The following TAS1R1 variants were observed in gnomAD, a reference collection of about 807,000 sequenced individuals.
The protein encoded by TAS1R1 is taste 1 receptor member 1.
Under a neutral mutation model 45.8 loss-of-function variants are expected in TAS1R1, and 31 were observed. The ratio of observed to expected loss-of-function variants is 0.68; its 90% CI spans 0.51 to 0.91. The LOEUF is 0.91. Ranked by LOEUF, TAS1R1 falls within the 40% of genes least tolerant of loss-of-function variation. The pLI is 0.00. For missense variants in TAS1R1, 1,051 were observed against 1,063.9 expected (o/e 0.99, Z 0.17); for synonymous variants, 437 against 448.4 (o/e 0.97, Z 0.32).
chr1:6,567,701 G>A (rs1639900602), intron 1 of TAS1R1, among the ~76,000 whole-genome samples: 2 of 152,208 alleles, frequency 1.3e-5, no homozygotes, highest in African/African-American at 4.8e-5. Flanking sequence ...TCAAGGAGCT[G>A]CGGGAGTGTA....
intron 1 of TAS1R1, among the ~76,000 whole-genome samples, chr1:6,559,016 G>A (rs1397863845): frequency 6.6e-6 from 1 of 151,596 alleles, no homozygotes; most frequent in Non-Finnish European, 1.5e-5. Flanking sequence ...CTCAGCCTCC[G>A]GAATACCTGG....
chr1:6,579,365 C>G lies in TAS1R1; in HGVS notation c.2307C>G (p.Asn769Lys), dbSNP rs752279711. The stretch of plus-strand genomic sequence containing the variant: ...GTGTCACCTTCAGCCTGCTCTTCAA[C>G]TTCGTGTCCTGGATCGCCTTCTTCA... The part of the protein sequence containing the change: ...AKCVTFSLLF[N>K]FVSWIAFFTT... Residue 769 changes from asparagine (N) to lysine (K), a missense_variant, in exon 6 of 6, where the codon AAC becomes AAG. By Grantham distance (94) the Asn-to-Lys change is moderately conservative. Coordinates refer to ENST00000333172, the MANE Select transcript of TAS1R1 (RefSeq NM_138697.4). 2 of 1,614,004 alleles carry G rather than the reference C, an allele frequency of 1.2e-6. No individual in the cohort carries two copies. Among genetic ancestry groups the G allele is most frequent in the Admixed American group, 3.3e-5 (2 of 60,026 alleles).
intron 1 of TAS1R1, among the ~76,000 whole-genome samples, chr1:6,556,664 A>C (rs1468839675): frequency 6.6e-6 from 1 of 151,870 alleles, no homozygotes; most frequent in East Asian, 2.0e-4. Flanking sequence ...GGCCTCCCAA[A>C]GTGCTAGGAT....
At chr1:6,577,334 G>A (rs1471161060) in intron 5 of TAS1R1, among the ~76,000 whole-genome samples, 3 of 152,066 alleles carry the variant, frequency 2.0e-5, no homozygotes, top group Non-Finnish European at 2.9e-5. Flanking sequence ...GGGAGTTCGA[G>A]ACCAGCCTGG....
At chr1:6,568,258 G>A (rs1437489601) in intron 1 of TAS1R1, among the ~76,000 whole-genome samples, 1 of 151,930 alleles carries the variant, frequency 6.6e-6, no homozygotes, top group African/African-American at 2.4e-5. Context: ...GACCATCCTG[G>A]CTAACATGGT....
intron 1 of TAS1R1, among the ~76,000 whole-genome samples, chr1:6,567,671 G>A (rs894025932): frequency 6.6e-6 from 1 of 152,266 alleles, no homozygotes; most frequent in East Asian, 1.9e-4. Context: ...CCTGGGCCTC[G>A]TTCATCTTCA....
Position 6,575,242 on chromosome 1 carries a change from C to A in TAS1R1, c.1110C>A (p.Phe370Leu). 1 of 1,613,592 alleles carries A rather than the reference C, an allele frequency of 6.2e-7. No individual in the cohort carries two copies. The highest frequency in any genetic ancestry group is 8.5e-7 in the Non-Finnish European group (1 of 1,180,018). ...SNQLCRECQA[F>L]MAHTMPKLKA... ...AGCTCTGCAGAGAATGCCAAGCTTT[C>A]ATGGCACACACGATGCCCAAGCTCA... Residue 370 changes from phenylalanine (F) to leucine (L), a missense_variant, in exon 3 of 6, where the codon TTC becomes TTA. Phe to Leu is a conservative substitution (Grantham distance 22, BLOSUM62 0). Coordinates refer to ENST00000333172, the MANE Select transcript of TAS1R1 (RefSeq NM_138697.4).
intron 1 of TAS1R1, among the ~76,000 whole-genome samples, chr1:6,569,165 G>A (rs562936033): frequency 6.6e-6 from 1 of 151,592 alleles, no homozygotes; most frequent in South Asian, 2.1e-4. Flanking sequence ...GGGGATTGGG[G>A]TGGTTTAATG....
At chr1:6,576,900 G>GCTGTCCTTTGACTTGGGC in intron 4 of TAS1R1, 50 bp from the exon 5 acceptor site, 1 of 1,613,524 alleles carries the variant, frequency 6.2e-7, no homozygotes, top group Non-Finnish European at 8.5e-7. Context: ...CCACATGTGA[G>GCTGTCCTTTGACTTGGGC]CTGTCCTTTG....
intron 1 of TAS1R1, among the ~76,000 whole-genome samples, chr1:6,564,211 T>G (rs1358342172): frequency 2.6e-5 from 4 of 152,090 alleles, no homozygotes; most frequent in African/African-American, 9.7e-5. Context: ...GAGGATGACT[T>G]GGAAAGGGCC....
chr1:6,576,030 A>C (rs189759092), intron 3 of TAS1R1, among the ~76,000 whole-genome samples: 35 of 151,914 alleles, frequency 2.3e-4, no homozygotes, highest in Non-Finnish European at 3.4e-4. Context: ...GGGTTTCACC[A>C]TGTTGGCCAG....
intron 2 of TAS1R1, among the ~76,000 whole-genome samples, chr1:6,573,652 A>T (rs922319224): frequency 2.0e-5 from 3 of 151,628 alleles, no homozygotes; most frequent in African/African-American, 2.4e-5. Flanking sequence ...TTATTTATTT[A>T]TTTATTTTTA....
chr1:6,565,479 AAAG>A (rs1369124991), intron 1 of TAS1R1, among the ~76,000 whole-genome samples: 1 of 152,116 alleles, frequency 6.6e-6, no homozygotes, highest in Non-Finnish European at 1.5e-5. Flanking sequence ...TACAGGAGCA[AAAG>A]AAGGAGGGCT....
intron 1 of TAS1R1, among the ~76,000 whole-genome samples, chr1:6,564,479 G>T (rs568168211): frequency 7.9e-5 from 12 of 152,276 alleles, no homozygotes; most frequent in African/African-American, 2.9e-4. Context: ...CTTTTGGGCT[G>T]GCTCTGGTGC....
In TAS1R1 at chr1:6,571,037, C is replaced by T; in HGVS notation, c.320C>T (p.Ser107Phe). 8 of 1,614,180 alleles carry T rather than the reference C, an allele frequency of 5.0e-6. No homozygotes were observed. Among genetic ancestry groups the T allele is most frequent in the Non-Finnish European group, 6.8e-6 (8 of 1,180,032 alleles). Reference protein sequence around the residue: ...TLGYQLYDVCSDSANVYATLR... With the variant: ...TLGYQLYDVCFDSANVYATLR... ...GGGTACCAGCTGTATGATGTGTGTT[C>T]TGACTCTGCCAATGTGTATGCCACG... Residue 107 changes from serine (S) to phenylalanine (F), a missense_variant, in exon 2 of 6, where the codon TCT (serine) becomes TTT (phenylalanine). By Grantham distance (155) the Ser-to-Phe change is radical (BLOSUM62 -2). Transcript: ENST00000333172.
chr1:6,573,673 TA>T lies in TAS1R1; in HGVS notation c.499-957del, dbSNP rs375396397. 7.4e-3 allele frequency among the ~76,000 whole-genome samples: 1,121 copies of T among 152,006 alleles called. 16 individuals are homozygous for T. Among genetic ancestry groups the T allele is most frequent in the East Asian group, 0.036 (186 of 5,168 alleles). On this transcript the variant is annotated intron_variant, in intron 2 of 5. Coordinates refer to ENST00000333172, the MANE Select transcript of TAS1R1 (RefSeq NM_138697.4). ...ATTTATTTATTTTTATTTTTATTTT[TA>T]TTTTTTGAGACGGAGTTTCGCTCTG...
chr1:6,569,193 C>G (rs913371784), intron 1 of TAS1R1, among the ~76,000 whole-genome samples: 1 of 151,052 alleles, frequency 6.6e-6, no homozygotes. Context: ...ATGATGGTGG[C>G]GAGGATGGGG....
intron 1 of TAS1R1, among the ~76,000 whole-genome samples, chr1:6,558,071 G>A (rs1399738579): frequency 1.3e-5 from 2 of 148,268 alleles, no homozygotes; most frequent in Non-Finnish European, 3.0e-5. Context: ...TTCTGAGACA[G>A]GGTCTTCCTC....
rs751878433 is a variant in TAS1R1, at chr1:6,555,388, G to C, written c.15G>C (p.Thr5=). The part of the protein sequence containing the change: MLLC[T]ARLVGLQLLI... ...ATCTGGCCAGCATGCTGCTCTGCAC[G>C]GCTCGCCTGGTCGGCCTGCAGCTTC... The change falls in exon 1 of 6, where the codon ACG becomes ACC. Residue 5 remains threonine (T), a synonymous_variant. Transcript: ENST00000333172. 1.9e-6 allele frequency: 3 copies of C among 1,600,752 alleles called. No homozygotes were observed. Among genetic ancestry groups the C allele is most frequent in the Non-Finnish European group, 2.6e-6 (3 of 1,175,410 alleles).
Sources: allele counts gnomAD v4.1 joint callset (sites outside exome capture counted in the v4.1 genomes callset), GRCh38; gene constraint gnomAD v4.1.1; transcripts MANE v1.5; gene names NCBI Gene and HGNC (gene_info 2026-07-23, HGNC 2026-07-21).